ARHGAP24: variants seen among roughly 807,000 people sequenced by gnomAD.
ARHGAP24 encodes Rho GTPase activating protein 24.
ARHGAP24 carries 50 observed loss-of-function variants against 76.4 expected under a neutral mutation model. The observed-to-expected ratio is 0.65, with a 90% confidence interval of 0.52 to 0.83. The LOEUF (loss-of-function observed/expected upper bound fraction) is 0.83, where lower values mean the gene tolerates loss of function less well. Ranked by LOEUF, ARHGAP24 falls within the 40% of genes least tolerant of loss-of-function variation. The probability of loss-of-function intolerance (pLI) is 0.00; values close to 1 mark genes in which losing one functional copy is unlikely to be tolerated. For synonymous variants in ARHGAP24, 345 were observed against 323.3 expected, an observed-to-expected ratio of 1.07 and a Z score of -0.72; for missense variants, 930 against 914.2, an observed-to-expected ratio of 1.02 and a Z score of -0.22.
chr4:85,997,593 T>C lies in ARHGAP24; in HGVS notation c.2003+1936T>C, dbSNP rs1740755289. The stretch of plus-strand genomic sequence containing the variant: ...GTCAGTGAGATATATGGTTTTTAGT[T>C]TTGAAACATATATTCTTTTTCCCTC... On this transcript the variant is annotated intron_variant, in intron 9 of 9. Transcript: ENST00000395184. 2.0e-5 allele frequency among the ~76,000 whole-genome samples: 3 copies of C among 152,098 alleles called. No individual in the cohort carries two copies. The South Asian group carries it at 6.2e-4, about 32-fold the overall frequency.
At chr4:85,575,261 T>C (rs1727324213) in intron 2 of ARHGAP24, among the ~76,000 whole-genome samples, 2 of 152,214 alleles carry the variant, frequency 1.3e-5, no homozygotes, top group East Asian at 3.8e-4. Context: ...ATTTTGATTG[T>C]TTTTATAAAA....
intron 3 of ARHGAP24, among the ~76,000 whole-genome samples, chr4:85,880,243 C>T (rs1253372990): frequency 2.0e-5 from 3 of 152,122 alleles, no homozygotes; most frequent in Non-Finnish European, 1.5e-5. Context: ...TGTATTCACT[C>T]TTATGATGTA....
At chr4:85,979,312 G>A (rs934621587) in intron 8 of ARHGAP24, among the ~76,000 whole-genome samples, 4 of 151,972 alleles carry the variant, frequency 2.6e-5, no homozygotes, top group African/African-American at 7.3e-5. Flanking sequence ...TTTTCAACTC[G>A]TTATTGTGGT....
chr4:85,554,880 C>T lies in ARHGAP24; in HGVS notation c.-20-15642C>T, dbSNP rs186877749. The stretch of plus-strand genomic sequence containing the variant: ...TATTTTTAGTAGAGATGGGGTTTCA[C>T]TGTGTTAGCCAGGATGTTCTCAATC... On this transcript the variant is annotated intron_variant, in intron 1 of 9. Coordinates refer to ENST00000395184, the MANE Select transcript of ARHGAP24 (RefSeq NM_001025616.3). Among the ~76,000 whole-genome samples, 505 of 150,854 alleles carry T rather than the reference C, an allele frequency of 3.3e-3. 3 individuals carry two copies. The highest frequency in any genetic ancestry group is 0.012 in the African/African-American group (476 of 40,866).
Position 85,485,416 on chromosome 4 carries a change from T to TAG in ARHGAP24, c.-21+9857_-21+9858insAG, listed in dbSNP as rs1283790979. Among the ~76,000 whole-genome samples, 107 of 115,770 alleles carry TAG rather than the reference T, an allele frequency of 9.2e-4. 2 individuals carry two copies. The highest frequency in any genetic ancestry group is 3.5e-3 in the African/African-American group (100 of 28,486). The allele number at this position is 115,770 out of a possible 152,430, so 75.9% of individuals were successfully genotyped here. A position where few individuals can be genotyped will look rare whatever the true frequency, so the allele number is the denominator to read the frequency against. On this transcript the variant is annotated intron_variant, in intron 1 of 9. Transcript: ENST00000395184. ...ATATATATATATATATATATATATC[T>TAG]CCTTGGATTTTTAAAATGTAGGCTT...
chr4:85,706,086 G>A (rs537554157), intron 2 of ARHGAP24, among the ~76,000 whole-genome samples: 4 of 152,238 alleles, frequency 2.6e-5, no homozygotes, highest in East Asian at 1.9e-4. Context: ...AAAAAAGATC[G>A]GAGGTGACCA....
intron 5 of ARHGAP24, among the ~76,000 whole-genome samples, chr4:85,944,538 A>G (rs1737140132): frequency 1.3e-5 from 2 of 152,078 alleles, no homozygotes; most frequent in South Asian, 4.1e-4. Context: ...CGCTGATGAT[A>G]GTTTCTTTTG....
intron 2 of ARHGAP24, among the ~76,000 whole-genome samples, chr4:85,707,013 A>G (rs1474133798): frequency 4.6e-5 from 7 of 150,972 alleles, no homozygotes; most frequent in South Asian, 2.1e-4. Flanking sequence ...CTCCTGGGCT[A>G]ACGTTATCCT....
intron 1 of ARHGAP24, among the ~76,000 whole-genome samples, chr4:85,567,124 G>T (rs1308145554): frequency 1.3e-5 from 2 of 152,148 alleles, no homozygotes; most frequent in Non-Finnish European, 2.9e-5. Flanking sequence ...TCTGGATTTT[G>T]AAATAAGTAC....
chr4:85,962,673 G>T (rs1385264356), intron 5 of ARHGAP24, among the ~76,000 whole-genome samples: 1 of 151,628 alleles, frequency 6.6e-6, no homozygotes, highest in Non-Finnish European at 1.5e-5. Context: ...GTTATACTTT[G>T]TGAATTTAGG....
intron 1 of ARHGAP24, among the ~76,000 whole-genome samples, chr4:85,540,699 A>G (rs550515314): frequency 5.3e-4 from 81 of 152,292 alleles, no homozygotes; most frequent in Admixed American, 2.1e-3. Context: ...ATCTGGCTCC[A>G]TGCAATAACT....
chr4:85,999,312 A>G (rs1419450734), intron 9 of ARHGAP24, among the ~76,000 whole-genome samples: 1 of 152,222 alleles, frequency 6.6e-6, no homozygotes, highest in African/African-American at 2.4e-5. Flanking sequence ...TCATATGTTT[A>G]AAATAGCCTT....
intron 2 of ARHGAP24, among the ~76,000 whole-genome samples, chr4:85,717,196 A>G (rs1312479730): frequency 2.0e-5 from 3 of 152,052 alleles, no homozygotes; most frequent in Non-Finnish European, 4.4e-5. Context: ...AACAGGGGAA[A>G]TACTCTTCTA....
intron 2 of ARHGAP24, among the ~76,000 whole-genome samples, chr4:85,579,014 G>C (rs1420878606): frequency 6.6e-6 from 1 of 152,060 alleles, no homozygotes; most frequent in Non-Finnish European, 1.5e-5. Flanking sequence ...ACTCTCCTTT[G>C]TAGTATGTCT....
rs185166002 is a variant in ARHGAP24 at position 85,962,087 on chromosome 4, C to G, written c.600-9949C>G. 9.3e-4 allele frequency among the ~76,000 whole-genome samples: 142 copies of G among 152,106 alleles called. 4 individuals carry two copies. Among genetic ancestry groups the G allele is most frequent in the Admixed American group, 8.9e-3 (136 of 15,258 alleles). On this transcript the variant is annotated intron_variant, in intron 5 of 9. Transcript: ENST00000395184. ...TAACAGTTTGCCAAAACTTTTAAGA[C>G]CATGTGAAACTGAAATTACACCCAT...
chr4:85,620,439 A>ATAAT (rs1720678442), intron 2 of ARHGAP24, among the ~76,000 whole-genome samples: 1 of 151,782 alleles, frequency 6.6e-6, no homozygotes, highest in South Asian at 2.1e-4. Context: ...TTTTTGGTGT[A>ATAAT]TAATTGTTCA....
Position 85,721,992 on chromosome 4 carries a change from T to C in ARHGAP24, c.268+20T>C, listed in dbSNP as rs773353957. On this transcript the variant is annotated intron_variant, in intron 3 of 9. Transcript: ENST00000395184. Reference sequence around the variant, plus strand: ...TTCCAGGTAAGATATTTTCCTAGTCTGATTAAATTATTGTCATCCTGTGTT... The same window carrying C: ...TTCCAGGTAAGATATTTTCCTAGTCCGATTAAATTATTGTCATCCTGTGTT... The C allele has an allele frequency of 3.9e-5, 63 of 1,600,098 alleles. No homozygotes were observed. Among genetic ancestry groups the C allele is most frequent in the Non-Finnish European group, 5.1e-5 (59 of 1,167,776 alleles).
At chr4:85,601,183 T>A (rs942743382) in intron 2 of ARHGAP24, among the ~76,000 whole-genome samples, 13 of 152,214 alleles carry the variant, frequency 8.5e-5, no homozygotes, top group African/African-American at 2.7e-4. Context: ...AACTGGAATG[T>A]AACTACCATG....
At chr4:85,580,738 A>G (rs1384137) in intron 2 of ARHGAP24, among the ~76,000 whole-genome samples, 57,106 of 152,030 alleles carry the variant, frequency 0.38, 12,365 homozygotes, top group East Asian at 0.85. Context: ...CAAGGGAGTT[A>G]TGGACTCTCC....
Sources: allele counts gnomAD v4.1 joint callset (sites outside exome capture counted in the v4.1 genomes callset), GRCh38; gene constraint gnomAD v4.1.1; transcripts MANE v1.5; gene names NCBI Gene and HGNC (gene_info 2026-07-23, HGNC 2026-07-21).